The following OSBPL9 variants were observed in gnomAD, a reference collection of about 807,000 sequenced individuals.
The protein encoded by OSBPL9 is oxysterol binding protein like 9.
OSBPL9 carries 40 observed loss-of-function variants against 106.6 expected under a neutral mutation model. The observed-to-expected ratio is 0.38, with a 90% CI of 0.29 to 0.49. The LOEUF (loss-of-function observed/expected upper bound fraction) is 0.49, where lower values mean the gene tolerates loss of function less well. OSBPL9 is among the 20% of genes least tolerant of loss of function. The pLI is 0.97. For synonymous variants in OSBPL9, 269 were observed against 295.4 expected, an observed-to-expected ratio of 0.91 and a Z score of 0.92; for missense variants, 609 against 887.2, an observed-to-expected ratio of 0.69 and a Z score of 3.98.
At chr1:51,680,771 A>G (rs779479819) in intron 3 of OSBPL9, among the ~76,000 whole-genome samples, 38 of 152,186 alleles carry the variant, frequency 2.5e-4, no homozygotes, top group Admixed American at 5.9e-4. Flanking sequence ...CATTTTCTCC[A>G]TTTGGTTAAT....
intron 1 of OSBPL9, among the ~76,000 whole-genome samples, chr1:51,580,952 ATAAC>A (rs1645218373): frequency 1.3e-3 from 2 of 1,516 alleles, no homozygotes; most frequent in South Asian, 0.016. Context: ...ATATATATAT[ATAAC>A]TTTTTTGAAA....
chr1:51,601,996 C>T (rs576045806), intron 2 of OSBPL9, among the ~76,000 whole-genome samples: 1 of 120,770 alleles, frequency 8.3e-6, no homozygotes, highest in Admixed American at 9.4e-5. Context: ...TCAGGCCAGT[C>T]AATTGTTCCA....
the OSBPL9 span, among the ~76,000 whole-genome samples, chr1:51,528,558 CA>C: frequency 6.7e-6 from 1 of 149,310 alleles, no homozygotes; most frequent in African/African-American, 2.5e-5. Flanking sequence ...AAAAAAAAAA[CA>C]AACTGAAAAT....
chr1:51,560,698 T>G, the OSBPL9 span, among the ~76,000 whole-genome samples: 3 of 152,192 alleles, frequency 2.0e-5, no homozygotes, highest in East Asian at 3.9e-4. Context: ...GGACAACAAC[T>G]TTTTAAAGGC....
At chr1:51,752,656 C>T (rs1172392899) in intron 8 of OSBPL9, 1 of 427,440 alleles carries the variant, frequency 2.3e-6, no homozygotes, top group African/African-American at 2.0e-5. Context: ...ACATTCTGGC[C>T]TGTTCAGTTT....
At chr1:51,743,592 T>A (rs570251666) in intron 4 of OSBPL9, among the ~76,000 whole-genome samples, 153 of 152,360 alleles carry the variant, frequency 1.0e-3, no homozygotes, top group African/African-American at 3.4e-3. Flanking sequence ...ATGCTTTTTT[T>A]ATTCATTTAT....
the OSBPL9 span, among the ~76,000 whole-genome samples, chr1:51,539,693 T>C: frequency 2.0e-5 from 3 of 152,150 alleles, no homozygotes; most frequent in Admixed American, 1.3e-4. Flanking sequence ...CAGAGAGAGA[T>C]TGAGAAATTT....
chr1:51,650,950 G>A (rs972767197), intron 1 of OSBPL9, among the ~76,000 whole-genome samples: 2 of 152,126 alleles, frequency 1.3e-5, no homozygotes, highest in Non-Finnish European at 2.9e-5. Context: ...AATGTTTTTT[G>A]AGCACCTGAT....
chr1:51,681,053 C>T lies in OSBPL9; in HGVS notation c.241+11541C>T, dbSNP rs1452978508. 2.6e-5 allele frequency among the ~76,000 whole-genome samples: 4 copies of T among 152,162 alleles called. No individual in the cohort carries two copies. The East Asian group carries it at 7.7e-4, about 29-fold the overall frequency. ...TGTTGTTCATCTTTTTTTATATCCT[C>T]CTTTTTTGAAAGTAAAAGGAAACAG... On this transcript the variant is annotated intron_variant, in intron 3 of 23. Transcript: ENST00000428468.
the OSBPL9 span, among the ~76,000 whole-genome samples, chr1:51,551,967 ATGTG>A: frequency 4.9e-4 from 71 of 145,216 alleles, no homozygotes; most frequent in Admixed American, 7.6e-4. Flanking sequence ...GTGAATAGAA[ATGTG>A]TGTGTGTGTG....
At chr1:51,549,484 T>C in the OSBPL9 span, among the ~76,000 whole-genome samples, 1 of 152,244 alleles carries the variant, frequency 6.6e-6, no homozygotes, top group Non-Finnish European at 1.5e-5. Flanking sequence ...CTGAACTGTA[T>C]GACAGCCATG....
intron 3 of OSBPL9, among the ~76,000 whole-genome samples, chr1:51,702,489 G>A (rs1209594886): frequency 6.6e-6 from 1 of 152,046 alleles, no homozygotes; most frequent in African/African-American, 2.4e-5. Flanking sequence ...ACTTGTTGAT[G>A]GGGTTGTTTT....
At chr1:51,642,810 G>T (rs1645889403) in intron 1 of OSBPL9, among the ~76,000 whole-genome samples, 2 of 152,160 alleles carry the variant, frequency 1.3e-5, no homozygotes, top group Admixed American at 1.3e-4. Context: ...TGGGAAATGA[G>T]AGAGGGTTTT....
intron 1 of OSBPL9, among the ~76,000 whole-genome samples, chr1:51,633,203 C>T (rs1196642864): frequency 2.0e-5 from 3 of 151,900 alleles, no homozygotes; most frequent in East Asian, 4.0e-4. Flanking sequence ...AGGCGATCCA[C>T]CCGCCTTGGC....
At position 51,772,083 on chromosome 1, in the gene OSBPL9, G is replaced by A. The variant is rs748201462; in HGVS notation, c.952G>A (p.Ala318Thr). The change falls in exon 13 of 24, where the codon GCC becomes ACC. Residue 318 changes from alanine (A) to threonine (T), a missense_variant. Transcript: ENST00000428468. Reference sequence around the variant, plus strand: ...ATGTTTTTATAGTTCTTCTGGATCTGCCTCAGTCCTGACACACAGCAGCTC... The same window carrying A: ...ATGTTTTTATAGTTCTTCTGGATCTACCTCAGTCCTGACACACAGCAGCTC... ...PKRLIDSSGS[A>T]SVLTHSSSGN... 6.2e-7 allele frequency: 1 copy of A among 1,612,354 alleles called. No homozygotes were observed. Among genetic ancestry groups the A allele is most frequent in the South Asian group, 1.1e-5 (1 of 90,836 alleles).
At chr1:51,550,303 C>T in the OSBPL9 span, among the ~76,000 whole-genome samples, 2 of 152,170 alleles carry the variant, frequency 1.3e-5, no homozygotes, top group Non-Finnish European at 2.9e-5. Context: ...ATGAGACTAG[C>T]AAACTTGCAA....
At position 51,783,960 on chromosome 1, in the gene OSBPL9, A is replaced by G. The variant is rs375879325; in HGVS notation, c.1559A>G (p.Asn520Ser). The G allele has an allele frequency of 9.9e-6, 16 of 1,613,964 alleles. No individual in the cohort carries two copies. The highest frequency in any genetic ancestry group is 1.3e-5 in the African/African-American group (1 of 74,930). The change falls in exon 18 of 24, where the codon AAT becomes AGT. Residue 520 changes from asparagine to serine, a missense_variant. Physicochemically the swap from Asn to Ser is conservative, Grantham distance 46. Transcript: ENST00000428468. ...AECFNKKIQF[N>S]AHIWTKSKFL... ...TGTTTTAACAAGAAGATACAATTCA[A>G]TGCTCATATCTGGACCAAATCAAAA...
At chr1:51,715,879 C>T (rs1303983759) in intron 4 of OSBPL9, among the ~76,000 whole-genome samples, 1 of 152,100 alleles carries the variant, frequency 6.6e-6, no homozygotes, top group Non-Finnish European at 1.5e-5. Context: ...TTCTATGAAC[C>T]CTCTGCCGAC....
In OSBPL9 at chr1:51,772,697, G is replaced by C; in HGVS notation, c.1144G>C (p.Val382Leu). The C allele has an allele frequency of 6.2e-7, 1 of 1,614,174 alleles. No homozygotes were observed. The highest frequency in any genetic ancestry group is 1.1e-5 in the South Asian group (1 of 91,078). The part of the protein sequence containing the change: ...KSVIMHLLSQ[V>L]RLGMDLTKVV... ...CGTTATCATGCATCTCTTGTCGCAG[G>C]TTAGACTTGGAATGGATCTTACTAA... Residue 382 changes from valine to leucine, a missense_variant, in exon 14 of 24, where the codon GTT becomes CTT. Transcript: ENST00000428468.
Sources: gnomAD v4.1 joint callset for allele counts (sites outside exome capture counted in the v4.1 genomes callset) on GRCh38, gnomAD v4.1.1 for gene constraint, MANE v1.5 for transcripts, NCBI Gene and HGNC (gene_info 2026-07-23, HGNC 2026-07-21) for gene names.